Variants in SHISA9 observed in about 807,000 individuals in gnomAD.
SHISA9 encodes shisa family member 9, also known as protein shisa-9.
Under a neutral mutation model 38.0 loss-of-function variants are expected in SHISA9, and 13 were observed. The ratio of observed to expected loss-of-function variants is 0.34; its 90% CI spans 0.22 to 0.54. The LOEUF (loss-of-function observed/expected upper bound fraction) is 0.54, where lower values mean the gene tolerates loss of function less well. SHISA9 is among the 20% of genes least tolerant of loss of function. The pLI is 0.91. For synonymous variants in SHISA9, 275 were observed against 242.0 expected (o/e 1.14, Z -1.27); for missense variants, 538 against 575.8 (o/e 0.93, Z 0.67).
the SHISA9 span, among the ~76,000 whole-genome samples, chr16:13,554,336 A>C: frequency 6.6e-6 from 1 of 151,348 alleles, no homozygotes; most frequent in African/African-American, 2.4e-5. Flanking sequence ...TACCTGAGAT[A>C]ACTACAGGGA....
At chr16:13,091,859 G>A (rs963931922) in intron 2 of SHISA9, among the ~76,000 whole-genome samples, 5 of 152,304 alleles carry the variant, frequency 3.3e-5, no homozygotes, top group East Asian at 1.9e-4. Flanking sequence ...TAGGAACTGC[G>A]ATCCTTTGGA....
At chr16:13,463,020 G>C in the SHISA9 span, among the ~76,000 whole-genome samples, 1 of 152,102 alleles carries the variant, frequency 6.6e-6, no homozygotes, top group East Asian at 1.9e-4. Context: ...GCTGGGTGTG[G>C]TGGCACATGC....
At chr16:13,389,817 C>G in the SHISA9 span, among the ~76,000 whole-genome samples, 142 of 152,350 alleles carry the variant, frequency 9.3e-4, no homozygotes, top group African/African-American at 3.1e-3. Context: ...CCTGGAAAAT[C>G]ACAATGCAAT....
the SHISA9 span, among the ~76,000 whole-genome samples, chr16:13,329,121 G>C: frequency 6.6e-6 from 1 of 152,074 alleles, no homozygotes; most frequent in East Asian, 1.9e-4. Context: ...CCAGGCAAAG[G>C]CCCCATTTGC....
chr16:13,056,352 C>A (rs887205263), intron 2 of SHISA9, among the ~76,000 whole-genome samples: 2 of 152,138 alleles, frequency 1.3e-5, no homozygotes, highest in East Asian at 1.9e-4. Flanking sequence ...AGGGAAAAGT[C>A]AAATTATGCA....
the SHISA9 span, among the ~76,000 whole-genome samples, chr16:13,440,048 C>T: frequency 1.3e-5 from 2 of 152,224 alleles, no homozygotes; most frequent in South Asian, 4.1e-4. Context: ...TCAAAGCCTT[C>T]CTATACTCGT....
the SHISA9 span, among the ~76,000 whole-genome samples, chr16:13,533,309 G>T: frequency 9.2e-5 from 14 of 152,136 alleles, no homozygotes; most frequent in Non-Finnish European, 1.5e-4. Context: ...ATTAAACCCA[G>T]TACTTCACCT....
intron 2 of SHISA9, among the ~76,000 whole-genome samples, chr16:13,122,969 C>A (rs1419457024): frequency 9.3e-5 from 14 of 151,346 alleles, no homozygotes; most frequent in Admixed American, 6.6e-4. Context: ...ATTGCTTGAA[C>A]CCGGGAAGCG....
intron 2 of SHISA9, among the ~76,000 whole-genome samples, chr16:12,957,279 A>G (rs1239792204): frequency 6.6e-5 from 10 of 152,074 alleles, no homozygotes; most frequent in Non-Finnish European, 1.3e-4. Context: ...TTTATAACTG[A>G]TTTTCTTAGT....
downstream of SHISA9, among the ~76,000 whole-genome samples, chr16:13,242,797 C>A (rs560455580): frequency 6.6e-6 from 1 of 152,148 alleles, no homozygotes; most frequent in African/African-American, 2.4e-5. Context: ...GGAATTGAGT[C>A]TCTTACCACT....
In SHISA9 at chr16:13,235,709, T is replaced by A; in HGVS notation, c.*300T>A. ...ATGGCCAACTCACATGCCCAAACCG[T>A]GGGGCTGAGTTTTCTTTTCCTCCTA... On this transcript the variant is annotated 3_prime_UTR_variant, in exon 5 of 5. Coordinates refer to ENST00000558583, the MANE Select transcript of SHISA9 (RefSeq NM_001145204.3). 1 of 352,034 alleles carries A rather than the reference T, an allele frequency of 2.8e-6. No individual in the cohort carries two copies. Among genetic ancestry groups the A allele is most frequent in the Non-Finnish European group, 5.1e-6 (1 of 195,710 alleles). The allele number at this position is 352,034 out of a possible 1,614,324, so 21.8% of individuals were successfully genotyped here.
At chr16:13,021,540 A>G (rs2072854049) in intron 2 of SHISA9, among the ~76,000 whole-genome samples, 1 of 152,194 alleles carries the variant, frequency 6.6e-6, no homozygotes, top group Non-Finnish European at 1.5e-5. Flanking sequence ...GGCTCAACCC[A>G]TGTACCTGAC....
the SHISA9 span, among the ~76,000 whole-genome samples, chr16:13,314,309 G>T: frequency 1.2e-3 from 189 of 152,028 alleles, no homozygotes; most frequent in African/African-American, 4.0e-3. Flanking sequence ...CGCCTCCCGG[G>T]TTCAACCAAT....
chr16:13,501,722 G>A, the SHISA9 span, among the ~76,000 whole-genome samples: 1 of 152,188 alleles, frequency 6.6e-6, no homozygotes, highest in Non-Finnish European at 1.5e-5. Context: ...GCTGAAAGAG[G>A]GCGGGCACGG....
chr16:13,297,538 A>T, the SHISA9 span, among the ~76,000 whole-genome samples: 1 of 152,280 alleles, frequency 6.6e-6, no homozygotes, highest in Non-Finnish European at 1.5e-5. Context: ...GAGTGATGTG[A>T]GAAAACAGCA....
At chr16:13,070,397 C>T (rs1280232322) in intron 2 of SHISA9, among the ~76,000 whole-genome samples, 2 of 152,182 alleles carry the variant, frequency 1.3e-5, no homozygotes, top group Non-Finnish European at 2.9e-5. Flanking sequence ...CGAGCACATG[C>T]GATTGGCCAG....
chr16:12,903,954 C>G (rs2071058551), intron 1 of SHISA9, among the ~76,000 whole-genome samples: 2 of 151,020 alleles, frequency 1.3e-5, no homozygotes, highest in South Asian at 4.2e-4. Context: ...TTTTTTTTTC[C>G]CCCAGAGAGA....
At chr16:13,419,440 TTAATATC>T in the SHISA9 span, among the ~76,000 whole-genome samples, 1 of 152,222 alleles carries the variant, frequency 6.6e-6, no homozygotes, top group Non-Finnish European at 1.5e-5. Flanking sequence ...AATCTTTCCT[TTAATATC>T]TAAATAAAAC....
intron 2 of SHISA9, among the ~76,000 whole-genome samples, chr16:13,009,503 T>C (rs1157938792): frequency 1.3e-5 from 2 of 152,176 alleles, no homozygotes; most frequent in Non-Finnish European, 2.9e-5. Flanking sequence ...CTTCCTCATT[T>C]ATTTTCAACA....
Sources: gnomAD v4.1 joint callset for allele counts (sites outside exome capture counted in the v4.1 genomes callset) on GRCh38, gnomAD v4.1.1 for gene constraint, MANE v1.5 for transcripts, NCBI Gene and HGNC (gene_info 2026-07-23, HGNC 2026-07-21) for gene names.